Variants in PTPRQ observed in about 807,000 individuals in gnomAD.
PTPRQ encodes phosphatidylinositol phosphatase PTPRQ.
A neutral mutation model predicts 246.0 loss-of-function variants in PTPRQ; 199 were observed. The ratio of observed to expected loss-of-function variants is 0.81; its 90% CI spans 0.72 to 0.91. The LOEUF is 0.91. Ranked by LOEUF, PTPRQ falls within the 40% of genes least tolerant of loss-of-function variation. PTPRQ has a pLI of 0.00. For synonymous variants in PTPRQ, 869 were observed against 853.2 expected (o/e 1.02, Z -0.32); for missense variants, 2,624 against 2,528.4 (o/e 1.04, Z -0.81).
intron 26 of PTPRQ, among the ~76,000 whole-genome samples, chr12:80,594,073 A>T (rs2121041791): frequency 6.6e-6 from 1 of 152,324 alleles, no homozygotes; most frequent in East Asian, 1.9e-4. Context: ...TTTCTAAGGA[A>T]TGCAACTTTA....
At chr12:80,457,694 T>C (rs1189710317) in intron 4 of PTPRQ, 50 bp downstream of exon 4, 2 of 399,556 alleles carry the variant, frequency 5.0e-6, no homozygotes, top group Non-Finnish European at 8.9e-6. Context: ...GAGTTTGTCG[T>C]TTAAAATAAT....
chr12:80,515,670 G>A (rs1191859335), intron 17 of PTPRQ, among the ~76,000 whole-genome samples: 1 of 151,476 alleles, frequency 6.6e-6, no homozygotes, highest in Non-Finnish European at 1.5e-5. Flanking sequence ...CTGACCTCAG[G>A]TGATCCTCCT....
At chr12:80,652,968 A>G in intron 38 of PTPRQ, 134 bp downstream of exon 38, 2 of 1,038,698 alleles carry the variant, frequency 1.9e-6, no homozygotes, top group Non-Finnish European at 1.2e-6. Context: ...GGCAGTGACT[A>G]CCAAATTATA....
At chr12:80,677,645 G>T (rs542860267) in intron 43 of PTPRQ, among the ~76,000 whole-genome samples, 1 of 152,246 alleles carries the variant, frequency 6.6e-6, no homozygotes, top group East Asian at 1.9e-4. Flanking sequence ...GAAACATTTT[G>T]TAATCCACAA....
rs535815981 is a variant in PTPRQ at position 80,459,123 on chromosome 12, T to G, written c.461-161T>G. Among the ~76,000 whole-genome samples the G allele has an allele frequency of 2.0e-5, 3 of 152,320 alleles. No individual in the cohort carries two copies. The East Asian group carries it at 5.8e-4, about 29-fold the overall frequency. Reference sequence around the variant, plus strand: ...TTGACTTGCCCCAACTCCAGTTTTTTATTTTAGGCAAAGTTCAGTTAAATA... The same window carrying G: ...TTGACTTGCCCCAACTCCAGTTTTTGATTTTAGGCAAAGTTCAGTTAAATA... On this transcript the variant is annotated intron_variant, in intron 4 of 44. Transcript: ENST00000644991.
intron 26 of PTPRQ, among the ~76,000 whole-genome samples, chr12:80,593,125 C>T (rs1897857792): frequency 6.6e-6 from 1 of 152,122 alleles, no homozygotes; most frequent in Non-Finnish European, 1.5e-5. Context: ...AAATAACTAT[C>T]TCAGAGAACT....
chr12:80,590,001 A>C (rs1897740079), intron 26 of PTPRQ, among the ~76,000 whole-genome samples: 1 of 152,108 alleles, frequency 6.6e-6, no homozygotes, highest in Non-Finnish European at 1.5e-5. Context: ...TTACATCTTG[A>C]CTATTCTCAA....
Position 80,542,190 on chromosome 12 carries a change from A to G in PTPRQ, c.3547A>G (p.Ser1183Gly). ...PPVKPNGAII[S>G]YDLTLQGPNE... Reference sequence around the variant, plus strand: ...AGTAAAGCCAAATGGTGCAATAATAAGTTATGATTTAACTTTACAAGGACC... The same window carrying G: ...AGTAAAGCCAAATGGTGCAATAATAGGTTATGATTTAACTTTACAAGGACC... Residue 1183 changes from serine (S) to glycine (G), a missense_variant, in exon 22 of 45, where the codon AGT becomes GGT. Coordinates refer to ENST00000644991, the MANE Select transcript of PTPRQ (RefSeq NM_001145026.2). 1.3e-6 allele frequency: 2 copies of G among 1,551,134 alleles called. No homozygotes were observed. The highest frequency in any genetic ancestry group is 8.7e-7 in the Non-Finnish European group (1 of 1,146,658).
intron 6 of PTPRQ, among the ~76,000 whole-genome samples, chr12:80,463,348 C>G (rs981238204): frequency 6.6e-6 from 1 of 152,138 alleles, no homozygotes; most frequent in Non-Finnish European, 1.5e-5. Flanking sequence ...ACAAACCCTC[C>G]AAGAAATACG....
chr12:80,679,119 A>G lies in PTPRQ; in HGVS notation c.*96A>G. The G allele has an allele frequency of 1.4e-6, 2 of 1,425,556 alleles. No homozygotes were observed. Among genetic ancestry groups the G allele is most frequent in the Middle Eastern group, 1.8e-4 (1 of 5,524 alleles). 88.3% of individuals were successfully genotyped at this position (1,425,556 alleles called of 1,614,324 possible). ...TCCGAATTGAAATGTGCAACCTTAAAGAAATATCTATGCTTCTCTCACTGT... is the reference window on the plus strand; with the variant it reads ...TCCGAATTGAAATGTGCAACCTTAAGGAAATATCTATGCTTCTCTCACTGT... On this transcript the variant is annotated 3_prime_UTR_variant, in exon 45 of 45. Transcript: ENST00000644991.
At chr12:80,522,929 G>T (rs1367203623) in intron 17 of PTPRQ, among the ~76,000 whole-genome samples, 1 of 152,204 alleles carries the variant, frequency 6.6e-6, no homozygotes. Flanking sequence ...AATAGTTTCA[G>T]AAGGAATGGT....
At position 80,613,678 on chromosome 12, in the gene PTPRQ, C is replaced by T. The variant is rs961036990; in HGVS notation, c.5005C>T (p.Gln1669Ter). 2.4e-5 allele frequency: 37 copies of T among 1,546,018 alleles called. No homozygotes were observed. Among genetic ancestry groups the T allele is most frequent in the Non-Finnish European group, 3.2e-5 (37 of 1,143,248 alleles). Reference sequence around the variant, plus strand: ...TCAATTAACGTTCCTTCCTCCTTCTCAACCTAATGGAAATATCCAAGTATA... The same window carrying T: ...TCAATTAACGTTCCTTCCTCCTTCTTAACCTAATGGAAATATCCAAGTATA... ...KFQLTFLPPS[Q>*]PNGNIQVYQA... The change falls in exon 29 of 45, where the codon CAA becomes TAA. Residue 1669 changes from glutamine to a stop codon, truncating the protein, a stop_gained. Coordinates refer to ENST00000644991, the MANE Select transcript of PTPRQ (RefSeq NM_001145026.2). LOFTEE classifies it high-confidence loss of function.
intron 33 of PTPRQ, among the ~76,000 whole-genome samples, chr12:80,629,131 A>C (rs1592735009): frequency 6.6e-6 from 1 of 150,936 alleles, no homozygotes; most frequent in Non-Finnish European, 1.5e-5. Context: ...TGGGGGGAGG[A>C]GGAGGAGAAA....
chr12:80,613,461 GT>G, intron 28 of PTPRQ, 130 bp from the exon 29 acceptor site: 1 of 899,124 alleles, frequency 1.1e-6, no homozygotes. Flanking sequence ...CATTTTGCTA[GT>G]TTTTGCAGTT....
At chr12:80,667,328 G>A (rs896110693) in intron 39 of PTPRQ, among the ~76,000 whole-genome samples, 1 of 151,838 alleles carries the variant, frequency 6.6e-6, no homozygotes, top group African/African-American at 2.4e-5. Context: ...GAGATGGGCT[G>A]GAGAACACTA....
At chr12:80,650,976 C>G (rs1900237469) in intron 37 of PTPRQ, among the ~76,000 whole-genome samples, 1 of 151,814 alleles carries the variant, frequency 6.6e-6, no homozygotes, top group South Asian at 2.1e-4. Context: ...ATTTTTGGTG[C>G]ATATATTTGA....
At chr12:80,481,707 C>T (rs201842169) in intron 8 of PTPRQ, among the ~76,000 whole-genome samples, 1 of 152,098 alleles carries the variant, frequency 6.6e-6, no homozygotes, top group South Asian at 2.1e-4. Flanking sequence ...GTACAAAAAT[C>T]ACAAGCATTC....
intron 25 of PTPRQ, among the ~76,000 whole-genome samples, chr12:80,572,880 A>G (rs1897183859): frequency 6.6e-6 from 1 of 152,144 alleles, no homozygotes; most frequent in Non-Finnish European, 1.5e-5. Flanking sequence ...TTATTCTACT[A>G]TATATTGCTG....
At chr12:80,530,768 C>T (rs758300550) in intron 17 of PTPRQ, among the ~76,000 whole-genome samples, 6 of 152,088 alleles carry the variant, frequency 3.9e-5, no homozygotes, top group East Asian at 1.9e-4. Flanking sequence ...AATGGGTACT[C>T]TCACACATTG....
Sources: allele counts gnomAD v4.1 joint callset (sites outside exome capture counted in the v4.1 genomes callset), GRCh38; gene constraint gnomAD v4.1.1; transcripts MANE v1.5; gene names NCBI Gene and HGNC (gene_info 2026-07-23, HGNC 2026-07-21).